PCDHA4: variants seen among roughly 807,000 people sequenced by gnomAD.
PCDHA4 encodes the protein protocadherin alpha-4.
Under a neutral mutation model 61.4 loss-of-function variants are expected in PCDHA4, and 49 were observed. The observed-to-expected ratio is 0.80, with a 90% CI of 0.63 to 1.01. The LOEUF (loss-of-function observed/expected upper bound fraction) is 1.01, where lower values mean the gene tolerates loss of function less well. PCDHA4 is among the 50% of genes least tolerant of loss of function. The pLI is 0.00. For missense variants in PCDHA4, 1,254 were observed against 1,235.8 expected (o/e 1.01, Z -0.22); for synonymous variants, 590 against 550.3 (o/e 1.07, Z -1.01).
chr5:140,875,381 A>G, intron 1 of PCDHA4: 7 of 1,461,296 alleles, frequency 4.8e-6, no homozygotes, highest in Non-Finnish European at 6.3e-6. Flanking sequence ...CTAAATATGT[A>G]CTTACAGAAA....
At chr5:140,871,250 T>G (rs1412384009) in intron 1 of PCDHA4, 3 of 1,613,976 alleles carry the variant, frequency 1.9e-6, no homozygotes, top group Non-Finnish European at 2.5e-6. Context: ...ACGCTGCTGC[T>G]GTATACGGCG....
intron 1 of PCDHA4, among the ~76,000 whole-genome samples, chr5:140,961,479 C>A (rs2095615905): frequency 6.6e-6 from 1 of 152,108 alleles, no homozygotes; most frequent in Admixed American, 6.6e-5. Context: ...TTTGTCTTGT[C>A]CACGTGAGTA....
intron 1 of PCDHA4, chr5:140,875,924 A>C (rs782181544): frequency 6.2e-7 from 1 of 1,614,054 alleles, no homozygotes; most frequent in Non-Finnish European, 8.5e-7. Context: ...CTGGACTCTC[A>C]TTTTCCTCTA....
At chr5:140,891,100 G>T (rs544877951) in intron 1 of PCDHA4, among the ~76,000 whole-genome samples, 1 of 152,206 alleles carries the variant, frequency 6.6e-6, no homozygotes, top group East Asian at 1.9e-4. Context: ...TTGCTGTCAA[G>T]AATTTAGCTG....
At chr5:140,856,026 T>C in intron 1 of PCDHA4, 1 of 1,559,058 alleles carries the variant, frequency 6.4e-7, no homozygotes, top group Non-Finnish European at 8.7e-7. Context: ...ATTCGTCGAT[T>C]TGTAAAACAA....
At chr5:140,928,122 A>C in intron 1 of PCDHA4, 1 of 1,614,196 alleles carries the variant, frequency 6.2e-7, no homozygotes, top group Non-Finnish European at 8.5e-7. Context: ...AGATCAGTGA[A>C]TACCAAGTCC....
chr5:140,969,046 C>A, intron 1 of PCDHA4: 5 of 1,614,074 alleles, frequency 3.1e-6, no homozygotes, highest in Non-Finnish European at 4.2e-6. Flanking sequence ...ACAAACAAGC[C>A]AACAACAATA....
chr5:140,936,619 T>C (rs2153629684), intron 1 of PCDHA4, among the ~76,000 whole-genome samples: 1 of 152,366 alleles, frequency 6.6e-6, no homozygotes, highest in East Asian at 1.9e-4. Context: ...TACTGTGCAG[T>C]GCTACCTTTG....
In PCDHA4 at chr5:140,884,002, C is replaced by G. The variant is rs1189374158; in HGVS notation, c.2385+74430C>G. 26 of 1,612,788 alleles carry G rather than the reference C, an allele frequency of 1.6e-5. No individual in the cohort carries two copies. Among genetic ancestry groups the G allele is most frequent in the Non-Finnish European group, 2.2e-5 (26 of 1,179,570 alleles). Reference sequence around the variant, plus strand: ...CTGGCAGCGCGGGAGGCACAGTGAGCGAGCTGATGCCGCGGTCGGTGGGTG... The same window carrying G: ...CTGGCAGCGCGGGAGGCACAGTGAGGGAGCTGATGCCGCGGTCGGTGGGTG... On this transcript the variant is annotated intron_variant, in intron 1 of 3. Coordinates refer to ENST00000530339, the MANE Select transcript of PCDHA4 (RefSeq NM_018907.4).
intron 1 of PCDHA4, chr5:140,850,732 G>A (rs1320738084): frequency 6.3e-7 from 1 of 1,597,840 alleles, no homozygotes; most frequent in Non-Finnish European, 8.6e-7. Context: ...AGCGCGGTGG[G>A]GAGTTGGTCG....
intron 1 of PCDHA4, among the ~76,000 whole-genome samples, chr5:140,935,686 C>T (rs943427521): frequency 3.3e-5 from 5 of 152,108 alleles, no homozygotes; most frequent in Non-Finnish European, 7.4e-5. Flanking sequence ...ATTTACATGG[C>T]TCCAAAATAA....
chr5:140,850,793 G>C (rs1232565289), intron 1 of PCDHA4: 2 of 1,598,464 alleles, frequency 1.3e-6, no homozygotes, highest in Non-Finnish European at 1.7e-6. Flanking sequence ...GTAAGCAGAA[G>C]ACCGACCTCA....
chr5:140,872,320 A>G (rs1409087290), intron 1 of PCDHA4, among the ~76,000 whole-genome samples: 1 of 152,166 alleles, frequency 6.6e-6, no homozygotes, highest in Admixed American at 6.5e-5. Context: ...TATGGAAATA[A>G]TATGACTAAA....
In PCDHA4 at chr5:140,967,658, A is replaced by C. The variant is rs1554229743; in HGVS notation, c.2386-11291A>C. ...TGGTGAGCTCAGGTACTCCTTGAGC[A>C]GCTACACGTCGGACCGGGAGAGGCA... On this transcript the variant is annotated intron_variant, in intron 1 of 3. Coordinates refer to ENST00000530339, the MANE Select transcript of PCDHA4 (RefSeq NM_018907.4). 3 of 1,614,058 alleles carry C rather than the reference A, an allele frequency of 1.9e-6. No individual in the cohort carries two copies. The highest frequency in any genetic ancestry group is 1.7e-5 in the Admixed American group (1 of 60,008).
intron 3 of PCDHA4, among the ~76,000 whole-genome samples, chr5:141,008,339 C>T (rs782805145): frequency 1.1e-4 from 16 of 152,176 alleles, no homozygotes; most frequent in Non-Finnish European, 1.5e-4. Context: ...TTTGATGGAG[C>T]TTTTCACGTG....
At chr5:140,955,293 T>A (rs2095165956) in intron 1 of PCDHA4, among the ~76,000 whole-genome samples, 1 of 152,182 alleles carries the variant, frequency 6.6e-6, no homozygotes, top group Non-Finnish European at 1.5e-5. Flanking sequence ...ATGGTTTGGC[T>A]GTGTCCCCAC....
chr5:140,886,910 T>C (rs1373910489), intron 1 of PCDHA4, among the ~76,000 whole-genome samples: 1 of 152,100 alleles, frequency 6.6e-6, no homozygotes, highest in African/African-American at 2.4e-5. Context: ...TAAATACTTA[T>C]TGAGTGTTCT....
In PCDHA4 at chr5:140,807,138, T is replaced by C; in HGVS notation, c.-50T>C. 6.4e-7 allele frequency: 1 copy of C among 1,568,760 alleles called. No homozygotes were observed. Among genetic ancestry groups the C allele is most frequent in the Non-Finnish European group, 8.6e-7 (1 of 1,156,226 alleles). ...TGACTGACCGATTAAAAGATTTCCC[T>C]TGACTTTGAGAAACGATATTTAATC... On this transcript the variant is annotated 5_prime_UTR_variant, in exon 1 of 4. Transcript: ENST00000530339.
chr5:140,830,354 C>T (rs2150185231), intron 1 of PCDHA4: 11 of 1,613,990 alleles, frequency 6.8e-6, no homozygotes, highest in African/African-American at 4.0e-5. Context: ...GCAGCAGAGG[C>T]GGCAGAGGGT....
Sources: allele counts gnomAD v4.1 joint callset (sites outside exome capture counted in the v4.1 genomes callset), GRCh38; gene constraint gnomAD v4.1.1; transcripts MANE v1.5; gene names NCBI Gene and HGNC (gene_info 2026-07-23, HGNC 2026-07-21).